ABHD16A: variants seen among roughly 807,000 people sequenced by gnomAD.
The protein encoded by ABHD16A is phosphatidylserine lipase ABHD16A.
ABHD16A carries 47 observed loss-of-function variants against 89.8 expected under a neutral mutation model. The observed-to-expected ratio is 0.52, with a 90% CI of 0.41 to 0.67. ABHD16A has a LOEUF of 0.67. Ranked by LOEUF, ABHD16A falls within the 30% of genes least tolerant of loss-of-function variation. The pLI is 0.00. For synonymous variants in ABHD16A, 251 were observed against 280.4 expected (o/e 0.90, Z 1.05); for missense variants, 580 against 734.6 (o/e 0.79, Z 2.43).
At position 31,688,031 on chromosome 6, in the gene ABHD16A, T is replaced by C. The variant is rs1482618025; in HGVS notation, c.1370+10A>G. ...CACTGCCCCCAGCGCGCACACACCC[T>C]GGCTCTCACCGATGCTGCAGGAGCT... On this transcript the variant is annotated intron_variant, in intron 16 of 19. Transcript: ENST00000395952. This position sits in a 1 kb window ranked among gnomAD's most constrained non-coding sequence, Gnocchi z 4.9. 6.2e-7 allele frequency: 1 copy of C among 1,612,306 alleles called. No homozygotes were observed. The highest frequency in any genetic ancestry group is 1.3e-5 in the African/African-American group (1 of 74,916).
At chr6:31,702,612 C>G (rs748178943) in intron 1 of ABHD16A, 48 of 1,481,940 alleles carry the variant, frequency 3.2e-5, no homozygotes, top group Non-Finnish European at 4.1e-5. Context: ...AACAGCCTAC[C>G]ACCACCCGCC....
intron 1 of ABHD16A, chr6:31,702,535 G>A (rs1805115991): frequency 3.9e-6 from 5 of 1,274,464 alleles, no homozygotes; most frequent in African/African-American, 1.5e-5. Context: ...AATGTGGGTA[G>A]GAGCGGGCAG....
At chr6:31,692,729 A>G in intron 7 of ABHD16A, 1 of 446,976 alleles carries the variant, frequency 2.2e-6, no homozygotes, top group South Asian at 2.3e-5. Context: ...CCTAGCTACA[A>G]GTGTGTGTCC....
Position 31,690,437 on chromosome 6 carries a change from TCACC to T in ABHD16A, c.907+98_907+101del. 1 of 1,307,164 alleles carries T rather than the reference TCACC, an allele frequency of 7.7e-7. No individual in the cohort carries two copies. The highest frequency in any genetic ancestry group is 1.1e-6 in the Non-Finnish European group (1 of 907,692). The allele number at this position is 1,307,164 out of a possible 1,614,324, so 81.0% of individuals were successfully genotyped here. A position where few individuals can be genotyped will look rare whatever the true frequency, so the allele number is the denominator to read the frequency against. The stretch of plus-strand genomic sequence containing the variant: ...CCCTAAAGCTGAGAGACTCAAAACC[TCACC>T]CAGAGAAAGCAGAGGCCAGGGGAGG... On this transcript the variant is annotated intron_variant, in intron 10 of 19. Transcript: ENST00000395952. The surrounding 1 kb of genome is among the most constrained non-coding windows in gnomAD (Gnocchi z 4.1).
Position 31,687,477 on chromosome 6 carries a change from AC to A in ABHD16A, c.1593+20del. On this transcript the variant is annotated intron_variant, in intron 19 of 19. Transcript: ENST00000395952. This position sits in a 1 kb window ranked among gnomAD's most constrained non-coding sequence, Gnocchi z 6.3. ...CCCTGGCCATTCAAGAACCCTTCCC[AC>A]TTCCCACTCCTTAGCTCACCAGAAA... is the stretch of plus-strand genomic sequence containing the variant. 1 of 1,612,576 alleles carries A rather than the reference AC, an allele frequency of 6.2e-7. No individual in the cohort carries two copies. Among genetic ancestry groups the A allele is most frequent in the Non-Finnish European group, 8.5e-7 (1 of 1,179,866 alleles).
intron 1 of ABHD16A, 176 bp downstream of exon 1, chr6:31,702,973 GC>G: frequency 2.2e-6 from 3 of 1,333,846 alleles, no homozygotes; most frequent in Non-Finnish European, 2.9e-6. Context: ...AAGAAAGGAG[GC>G]GGCCAGTCCG....
Position 31,688,061 on chromosome 6 carries a change from C to T in ABHD16A, c.1350G>A (p.Leu450=). ...CTCACCGATGCTGCAGGAGCTTCAG[C>T]AGGAGGTCATTGCCTCGGTTGGACA... is the stretch of plus-strand genomic sequence containing the variant. The part of the protein sequence containing the change: ...DIMSNRGNDL[L]LKLLQHRYPR... The change falls in exon 16 of 20, where the codon CTG becomes CTA. Residue 450 remains leucine, a synonymous_variant. Transcript: ENST00000395952. This position sits in a 1 kb window ranked among gnomAD's most constrained non-coding sequence, Gnocchi z 4.9. 1 of 1,613,110 alleles carries T rather than the reference C, an allele frequency of 6.2e-7. No homozygotes were observed.
At chr6:31,701,580 AATT>A (rs1024890660) in intron 2 of ABHD16A, among the ~76,000 whole-genome samples, 1 of 152,150 alleles carries the variant, frequency 6.6e-6, no homozygotes. Flanking sequence ...ATTATGGAAG[AATT>A]ATGTCTTCCA....
intron 1 of ABHD16A, 54 bp from the exon 2 acceptor site, chr6:31,702,184 C>T: frequency 1.9e-6 from 3 of 1,570,440 alleles, no homozygotes; most frequent in Non-Finnish European, 2.6e-6. Context: ...GGTCCTTTCC[C>T]TTCCCTTTCA....
Position 31,687,361 on chromosome 6 carries a change from C to CT in ABHD16A, c.1594-67dup. ...TTGGGAGGGGCAGCCACTGGACTCC[C>CT]TCCCCACCCTCCACTTCCGCATCCA... On this transcript the variant is annotated intron_variant, in intron 19 of 19. Coordinates refer to ENST00000395952, the MANE Select transcript of ABHD16A (RefSeq NM_021160.3). The surrounding 1 kb of genome is among the most constrained non-coding windows in gnomAD (Gnocchi z 6.3). The CT allele has an allele frequency of 1.9e-6, 3 of 1,595,616 alleles. No homozygotes were observed. The highest frequency in any genetic ancestry group is 1.7e-6 in the Non-Finnish European group (2 of 1,164,960).
chr6:31,702,757 C>T, intron 1 of ABHD16A: 1 of 1,514,372 alleles, frequency 6.6e-7, no homozygotes, highest in Non-Finnish European at 8.8e-7. Flanking sequence ...AAAACAGAGC[C>T]GGGGGAGGCA....
rs750378460 is a variant in ABHD16A at position 31,689,672 on chromosome 6, G to A, written c.990C>T (p.Ala330=). ...GVPFPQNEAN[A]MDVVVQFAIH... ...TGGCAAACTGGACCACCACATCCATGGCATTAGCCTCATTCTGCGGGAATG... is the reference window on the plus strand; with the variant it reads ...TGGCAAACTGGACCACCACATCCATAGCATTAGCCTCATTCTGCGGGAATG... The change falls in exon 12 of 20, where the codon GCC becomes GCT. Residue 330 remains alanine, a synonymous_variant. Coordinates refer to ENST00000395952, the MANE Select transcript of ABHD16A (RefSeq NM_021160.3). 1.1e-5 allele frequency: 17 copies of A among 1,612,432 alleles called. No homozygotes were observed. In the South Asian group the frequency reaches 1.8e-4, roughly 17 times the overall value.
rs1257077945 is a variant in ABHD16A, at chr6:31,690,770, G to A, written c.844-168C>T. On this transcript the variant is annotated intron_variant, in intron 9 of 19. Transcript: ENST00000395952. The surrounding 1 kb of genome is among the most constrained non-coding windows in gnomAD (Gnocchi z 4.1). ...TCTCATTCCACAGGGTCCATAAGAG[G>A]AGAAGCAAAGGGATTACAAATACTC... Among the ~76,000 whole-genome samples the A allele has an allele frequency of 6.6e-6, 1 of 152,138 alleles. No homozygotes were observed. The highest frequency in any genetic ancestry group is 2.4e-5 in the African/African-American group (1 of 41,400).
rs369260399 is a variant in ABHD16A, at chr6:31,701,084, T to C, written c.257-56A>G. On this transcript the variant is annotated intron_variant, in intron 3 of 19. Transcript: ENST00000395952. ...TCTCCGCAATGTCCCTCAGCTCCTCTTCCCAGTTCAGCCCCAACCTCCACC... is the reference window on the plus strand; with the variant it reads ...TCTCCGCAATGTCCCTCAGCTCCTCCTCCCAGTTCAGCCCCAACCTCCACC... 1,197 of 1,498,504 alleles carry C rather than the reference T, an allele frequency of 8.0e-4. 23 individuals are homozygous for C. In the South Asian group the frequency reaches 0.012, roughly 15 times the overall value. The allele number at this position is 1,498,504 out of a possible 1,614,324, so 92.8% of individuals were successfully genotyped here. A position where few individuals can be genotyped will look rare whatever the true frequency, so the allele number is the denominator to read the frequency against.
chr6:31,699,005 A>C (rs1349572967), intron 4 of ABHD16A, among the ~76,000 whole-genome samples: 1 of 152,202 alleles, frequency 6.6e-6, no homozygotes, highest in Non-Finnish European at 1.5e-5. Flanking sequence ...GCAAACATTC[A>C]TGTGACTATC....
chr6:31,689,680 C>T lies in ABHD16A; in HGVS notation c.982G>A (p.Ala328Thr), dbSNP rs760436982. 1.2e-6 allele frequency: 2 copies of T among 1,612,026 alleles called. No individual in the cohort carries two copies. The highest frequency in any genetic ancestry group is 1.7e-6 in the Non-Finnish European group (2 of 1,179,546). ...STGVPFPQNE[A>T]NAMDVVVQFA... ...TGGACCACCACATCCATGGCATTAG[C>T]CTCATTCTGCGGGAATGGCACCCCC... is the stretch of plus-strand genomic sequence containing the variant. The change falls in exon 12 of 20, where the codon GCT becomes ACT. Residue 328 changes from alanine to threonine, a missense_variant. Physicochemically the swap from Ala to Thr is moderately conservative, Grantham distance 58. Coordinates refer to ENST00000395952, the MANE Select transcript of ABHD16A (RefSeq NM_021160.3).
chr6:31,688,299 C>T lies in ABHD16A; in HGVS notation c.1257G>A (p.Gln419=), dbSNP rs778944523. 1.2e-6 allele frequency: 2 copies of T among 1,614,046 alleles called. No homozygotes were observed. The highest frequency in any genetic ancestry group is 1.3e-5 in the African/African-American group (1 of 75,032). ...LNNAEQLCRY[Q]GPVLLIRRTK... ...TTCTCCGGATCAGCAGTACAGGACCCTGGTATCTTCAGAGAACAGAGCAGT... is the reference window on the plus strand; with the variant it reads ...TTCTCCGGATCAGCAGTACAGGACCTTGGTATCTTCAGAGAACAGAGCAGT... Residue 419 remains glutamine, a synonymous_variant, in exon 15 of 20, where the codon CAG becomes CAA. Transcript: ENST00000395952. This position sits in a 1 kb window ranked among gnomAD's most constrained non-coding sequence, Gnocchi z 4.9.
chr6:31,696,365 G>A (rs149012727), intron 5 of ABHD16A, among the ~76,000 whole-genome samples: 4 of 151,632 alleles, frequency 2.6e-5, no homozygotes, highest in African/African-American at 9.7e-5. Context: ...AGGAGTGGTG[G>A]CTCACGCCTG....
At position 31,688,131 on chromosome 6, in the gene ABHD16A, G is replaced by A; in HGVS notation, c.1308-28C>T. ...GGGGGTGAGAAGAATGTACCCTGGA[G>A]GGGCTGGAGGTTAGGAGGAAGGGTC... On this transcript the variant is annotated intron_variant, in intron 15 of 19. Coordinates refer to ENST00000395952, the MANE Select transcript of ABHD16A (RefSeq NM_021160.3). This position sits in a 1 kb window ranked among gnomAD's most constrained non-coding sequence, Gnocchi z 4.9. 1.9e-6 allele frequency: 3 copies of A among 1,608,168 alleles called. No homozygotes were observed. Among genetic ancestry groups the A allele is most frequent in the African/African-American group, 1.3e-5 (1 of 74,930 alleles).
Sources: gnomAD v4.1 joint callset for allele counts (sites outside exome capture counted in the v4.1 genomes callset) on GRCh38, gnomAD v4.1.1 for gene constraint, Gnocchi (gnomAD v3.1) non-coding constraint, MANE v1.5 for transcripts, NCBI Gene and HGNC (gene_info 2026-07-23, HGNC 2026-07-21) for gene names.